The following PSMF1 variants were observed in gnomAD, a reference collection of about 807,000 sequenced individuals.
The protein encoded by PSMF1 is proteasome inhibitor subunit 1.
Under a neutral mutation model 29.3 loss-of-function variants are expected in PSMF1, and 30 were observed. The ratio of observed to expected loss-of-function variants is 1.02; its 90% CI spans 0.77 to 1.39. The LOEUF is 1.39. Ranked by LOEUF, PSMF1 falls within the 40% of genes most tolerant of loss-of-function variation. The pLI, the probability that PSMF1 is intolerant of heterozygous loss-of-function variation, is 0.00. For synonymous variants in PSMF1, 134 were observed against 139.7 expected (o/e 0.96, Z 0.29); for missense variants, 344 against 357.5 (o/e 0.96, Z 0.31).
At chr20:1,150,279 A>C (rs77715652) in intron 4 of PSMF1, among the ~76,000 whole-genome samples, 5,020 of 152,268 alleles carry the variant, frequency 0.033, 118 homozygotes, top group Middle Eastern at 0.099. Context: ...TTGACAATCT[A>C]TACCTCTTCA....
Position 1,118,715 on chromosome 20 carries a change from G to A in PSMF1, c.-59G>A, listed in dbSNP as rs2086040433. 13 of 1,552,428 alleles carry A rather than the reference G, an allele frequency of 8.4e-6. No homozygotes were observed. In the East Asian group the frequency reaches 9.0e-5, roughly 11 times the overall value. ...TTATAGCTACCCCGGCCGCGGAGCC[G>A]GCTCACTGCACTACCCCCGCCCCCT... On this transcript the variant is annotated 5_prime_UTR_variant, in exon 1 of 7. Transcript: ENST00000335877.
Position 1,118,606 on chromosome 20 carries a change from TCCCCG to T in PSMF1, c.-157_-153del, listed in dbSNP as rs1173256203. 7.4e-6 allele frequency: 6 copies of T among 810,960 alleles called. No homozygotes were observed. The East Asian group carries it at 1.5e-4, about 20-fold the overall frequency. 50.2% of individuals were successfully genotyped at this position (810,960 alleles called of 1,614,324 possible). Reference sequence around the variant, plus strand: ...CCCGCTGTTGGGACTACTTCCGGCTTCCCCGCCCCGCCCCGTCCCCGGGCGTCTCC... The same window carrying T: ...CCCGCTGTTGGGACTACTTCCGGCTTCCCCGCCCCGTCCCCGGGCGTCTCC... On this transcript the variant is annotated 5_prime_UTR_variant, in exon 1 of 7. Coordinates refer to ENST00000335877, the MANE Select transcript of PSMF1 (RefSeq NM_006814.5).
intron 4 of PSMF1, among the ~76,000 whole-genome samples, chr20:1,162,434 CTG>C (rs2086678629): frequency 6.6e-6 from 1 of 151,962 alleles, no homozygotes; most frequent in Non-Finnish European, 1.5e-5. Flanking sequence ...TTTTGAAGGA[CTG>C]TGTATTTTTG....
chr20:1,125,672 G>C (rs754885269), intron 2 of PSMF1, 22 bp downstream of exon 2: 1 of 1,601,030 alleles, frequency 6.2e-7, no homozygotes, highest in Admixed American at 1.7e-5. Flanking sequence ...GGACACGTGA[G>C]TCTGCTGATG....
chr20:1,121,782 C>T (rs990172380), intron 1 of PSMF1, among the ~76,000 whole-genome samples: 4 of 152,172 alleles, frequency 2.6e-5, no homozygotes, highest in African/African-American at 9.7e-5. Context: ...GATTAGAAAA[C>T]CAGTGCAGCC....
chr20:1,125,599 G>T lies in PSMF1; in HGVS notation c.231G>T (p.Lys77Asn). 1 of 1,614,066 alleles carries T rather than the reference G, an allele frequency of 6.2e-7. No individual in the cohort carries two copies. Among genetic ancestry groups the T allele is most frequent in the Non-Finnish European group, 8.5e-7 (1 of 1,179,976 alleles). The change falls in exon 2 of 7, where the codon AAG (lysine) becomes AAT (asparagine). Residue 77 changes from lysine (K) to asparagine (N), a missense_variant. Lys to Asn is a moderately conservative substitution (Grantham distance 94). Coordinates refer to ENST00000335877, the MANE Select transcript of PSMF1 (RefSeq NM_006814.5). ...LRYEYKDGSR[K>N]LLVKAITVES... The stretch of plus-strand genomic sequence containing the variant: ...ATGAGTATAAGGATGGGTCCAGAAA[G>T]CTCCTTGTGAAAGCCATCACCGTGG...
In PSMF1 at chr20:1,166,608, T is replaced by C; in HGVS notation, c.*1528T>C. 3.7e-6 allele frequency: 1 copy of C among 273,550 alleles called. No individual in the cohort carries two copies. The highest frequency in any genetic ancestry group is 5.7e-5 in the South Asian group (1 of 17,466). The allele number at this position is 273,550 out of a possible 1,614,324, so 16.9% of individuals were successfully genotyped here. ...AGGCTAGCATGCGTGGCTCCCTGGG[T>C]ATTTCTGTCAGTCCCCATGGCAAGC... On this transcript the variant is annotated 3_prime_UTR_variant, in exon 7 of 7. Transcript: ENST00000335877.
chr20:1,135,333 C>T (rs774442230), intron 4 of PSMF1, 27 bp downstream of exon 4: 2 of 1,583,224 alleles, frequency 1.3e-6, no homozygotes, highest in Admixed American at 1.8e-5. Flanking sequence ...TAGCGGGAAG[C>T]CCATGCTTCT....
chr20:1,143,259 A>G (rs1353263630), intron 4 of PSMF1, among the ~76,000 whole-genome samples: 2 of 152,348 alleles, frequency 1.3e-5, no homozygotes, highest in East Asian at 3.9e-4. Context: ...GGCTAATTAT[A>G]TAGCTAAAGT....
At chr20:1,155,100 T>C (rs1354841287) in intron 4 of PSMF1, among the ~76,000 whole-genome samples, 4 of 152,212 alleles carry the variant, frequency 2.6e-5, no homozygotes, top group Non-Finnish European at 5.9e-5. Context: ...TAAGTACCGC[T>C]AAATGGTCAG....
At chr20:1,132,969 G>GTTTT (rs60189289) in intron 3 of PSMF1, among the ~76,000 whole-genome samples, 3 of 134,112 alleles carry the variant, frequency 2.2e-5, no homozygotes, top group Non-Finnish European at 3.1e-5. Flanking sequence ...GGGTTTTTTT[G>GTTTT]TTTTTTTTTT....
chr20:1,133,613 C>T (rs1450510954), intron 3 of PSMF1, among the ~76,000 whole-genome samples: 1 of 97,548 alleles, frequency 1.0e-5, no homozygotes, highest in African/African-American at 3.7e-5. Context: ...GTTTTGATAC[C>T]AGAGTAATAC....
rs1025348804 is a variant in PSMF1, at chr20:1,148,429, A to G, written c.551+13123A>G. 6.8e-5 allele frequency among the ~76,000 whole-genome samples: 10 copies of G among 146,320 alleles called. No individual in the cohort carries two copies. In the South Asian group the frequency reaches 1.1e-3, roughly 17 times the overall value. ...GACTGTATGCCCCAAATCCTGCTCC[A>G]TGTTTTGTAAAAAACAGTTTTTTCT... On this transcript the variant is annotated intron_variant, in intron 4 of 6. Transcript: ENST00000335877.
upstream of PSMF1, among the ~76,000 whole-genome samples, chr20:1,114,406 T>C (rs2085996027): frequency 6.6e-6 from 1 of 152,244 alleles, no homozygotes; most frequent in Non-Finnish European, 1.5e-5. Context: ...CACGGGCTTC[T>C]GAGAGAATAC....
At chr20:1,135,094 A>C in intron 3 of PSMF1, 27 bp from the exon 4 acceptor site, 11 of 1,613,314 alleles carry the variant, frequency 6.8e-6, no homozygotes, top group Non-Finnish European at 9.3e-6. Context: ...AACTGCAAGC[A>C]GTTGACTCTT....
chr20:1,148,230 T>G (rs2086480825), intron 4 of PSMF1, among the ~76,000 whole-genome samples: 2 of 152,148 alleles, frequency 1.3e-5, no homozygotes, highest in South Asian at 4.1e-4. Context: ...GGACATTCCA[T>G]TGTAGTGGAA....
rs558440008 is a variant in PSMF1, at chr20:1,163,967, T to A, written c.606-351T>A. On this transcript the variant is annotated intron_variant, in intron 5 of 6. Transcript: ENST00000335877. The surrounding 1 kb of genome is among the most constrained non-coding windows in gnomAD (Gnocchi z 6.1). Reference sequence around the variant, plus strand: ...ACCCTGCAGAACCTTGTGAGTGCATTGTAGTTGACCTTGGCAAGTTCTGGC... The same window carrying A: ...ACCCTGCAGAACCTTGTGAGTGCATAGTAGTTGACCTTGGCAAGTTCTGGC... Among the ~76,000 whole-genome samples, 1 of 152,324 alleles carries A rather than the reference T, an allele frequency of 6.6e-6. No individual in the cohort carries two copies. Among genetic ancestry groups the A allele is most frequent in the Admixed American group, 6.5e-5 (1 of 15,300 alleles).
intron 2 of PSMF1, chr20:1,127,181 C>T (rs2086168825): frequency 6.0e-6 from 4 of 668,330 alleles, no homozygotes; most frequent in South Asian, 1.6e-5. Context: ...ATTACCATGC[C>T]TGAGCCCTTT....
rs747481354 is a variant in PSMF1 at position 1,135,241 on chromosome 20, C to T, written c.486C>T (p.Thr162=). ...CCCACCGGGAGTTCCCCCCTGCTAC[C>T]GCCAGAGAGGTGGACCCACTCCGGA... ...SSPHREFPPA[T]AREVDPLRIP... is the part of the protein sequence containing the mutation. Residue 162 remains threonine (T), a synonymous_variant, in exon 4 of 7, where the codon ACC becomes ACT. Coordinates refer to ENST00000335877, the MANE Select transcript of PSMF1 (RefSeq NM_006814.5). 7.4e-6 allele frequency: 12 copies of T among 1,613,960 alleles called. No homozygotes were observed. The highest frequency in any genetic ancestry group is 4.5e-5 in the East Asian group (2 of 44,880).
Sources: allele counts gnomAD v4.1 joint callset (sites outside exome capture counted in the v4.1 genomes callset), GRCh38; gene constraint gnomAD v4.1.1; non-coding constraint Gnocchi (gnomAD v3.1); transcripts MANE v1.5; gene names NCBI Gene and HGNC (gene_info 2026-07-23, HGNC 2026-07-21).